The following CSMD3 variants were observed in gnomAD, a reference collection of about 807,000 sequenced individuals.
CSMD3 encodes the protein CUB and Sushi multiple domains 3.
A neutral mutation model predicts 435.2 loss-of-function variants in CSMD3; 177 were observed. The ratio of observed to expected loss-of-function variants is 0.41; its 90% CI spans 0.36 to 0.46. The LOEUF (loss-of-function observed/expected upper bound fraction) is 0.46. Among genes scored for constraint, CSMD3 ranks in the 20% least tolerant of loss-of-function variants. CSMD3 has a pLI of 0.34. For synonymous variants in CSMD3, 1,656 were observed against 1,520.5 expected (o/e 1.09, Z -2.07); for missense variants, 4,265 against 4,504.6 (o/e 0.95, Z 1.52).
intron 1 of CSMD3, among the ~76,000 whole-genome samples, chr8:113,334,205 A>G (rs1274595455): frequency 1.3e-5 from 2 of 149,096 alleles, no homozygotes; most frequent in East Asian, 2.0e-4. Context: ...GTATTATTTT[A>G]TATTATTTTA....
intron 4 of CSMD3, among the ~76,000 whole-genome samples, chr8:113,108,669 A>G (rs1373678082): frequency 6.6e-6 from 1 of 152,222 alleles, no homozygotes; most frequent in Non-Finnish European, 1.5e-5. Context: ...AAGGAAATAT[A>G]CAAAAACATA....
intron 3 of CSMD3, among the ~76,000 whole-genome samples, chr8:113,182,030 T>C (rs2092428394): frequency 6.6e-6 from 1 of 152,040 alleles, no homozygotes; most frequent in Non-Finnish European, 1.5e-5. Flanking sequence ...ATTTTAGCAG[T>C]TAATCCATCA....
chr8:112,831,941 C>T (rs1265363080), intron 11 of CSMD3, among the ~76,000 whole-genome samples: 9 of 152,122 alleles, frequency 5.9e-5, no homozygotes, highest in African/African-American at 2.2e-4. Flanking sequence ...TTGAGATCAG[C>T]TTTATATATT....
intron 5 of CSMD3, among the ~76,000 whole-genome samples, chr8:113,093,997 C>G (rs1317014797): frequency 1.3e-5 from 2 of 152,036 alleles, no homozygotes; most frequent in East Asian, 3.9e-4. Context: ...AACTATATAT[C>G]ATAATTAAGT....
At chr8:112,691,748 G>T (rs907374998) in intron 13 of CSMD3, among the ~76,000 whole-genome samples, 1 of 151,922 alleles carries the variant, frequency 6.6e-6, no homozygotes, top group Non-Finnish European at 1.5e-5. Flanking sequence ...TTTATTAGGT[G>T]GCTTAAAGAA....
chr8:113,184,702 A>C lies in CSMD3; in HGVS notation c.515-10786T>G, dbSNP rs567257948. 7.2e-5 allele frequency among the ~76,000 whole-genome samples: 11 copies of C among 152,152 alleles called. No individual in the cohort carries two copies. The South Asian group carries it at 2.3e-3, about 32-fold the overall frequency. ...ATCATATTGTATGAATGTCTGCTAG[A>C]CTGAGGCCACTCAGGTGCAGGCTTT... On this transcript the variant is annotated intron_variant, in intron 3 of 70. Transcript: ENST00000297405.
chr8:112,999,002 G>A (rs1564193417), intron 6 of CSMD3, among the ~76,000 whole-genome samples: 1 of 151,828 alleles, frequency 6.6e-6, no homozygotes, highest in Non-Finnish European at 1.5e-5. Context: ...CCAATCTCAG[G>A]TATTTCTTTA....
intron 2 of CSMD3, among the ~76,000 whole-genome samples, chr8:113,304,906 A>C (rs1309456850): frequency 2.7e-5 from 2 of 73,394 alleles, no homozygotes; most frequent in African/African-American, 1.1e-4. Flanking sequence ...CTAAAACTTA[A>C]AGTATAATAA....
At chr8:112,977,980 C>T (rs1434115799) in intron 6 of CSMD3, among the ~76,000 whole-genome samples, 1 of 151,930 alleles carries the variant, frequency 6.6e-6, no homozygotes, top group Non-Finnish European at 1.5e-5. Flanking sequence ...TTGTGATGTG[C>T]AGTTTCATAC....
chr8:113,047,214 A>C (rs1420923909), intron 5 of CSMD3, among the ~76,000 whole-genome samples: 2 of 152,198 alleles, frequency 1.3e-5, no homozygotes, highest in African/African-American at 4.8e-5. Context: ...TAGTTACCGT[A>C]AATATATTTA....
rs1249637684 is a variant in CSMD3, at chr8:113,046,003, G to C, written c.918-26824C>G. On this transcript the variant is annotated intron_variant, in intron 5 of 70. Transcript: ENST00000297405. ...TTGCCTGCCTTTAAATGACTGAATC[G>C]ATTTACTTTTAAATGTTTTACAAAC... is the stretch of plus-strand genomic sequence containing the variant. 2.7e-5 allele frequency among the ~76,000 whole-genome samples: 4 copies of C among 149,082 alleles called. 1 individual carries two copies. The highest frequency in any genetic ancestry group is 4.5e-5 in the Non-Finnish European group (3 of 66,364).
chr8:113,182,224 A>G (rs868094893), intron 3 of CSMD3, among the ~76,000 whole-genome samples: 1 of 152,070 alleles, frequency 6.6e-6, no homozygotes, highest in African/African-American at 2.4e-5. Context: ...TTTAACTATT[A>G]TATACATATG....
chr8:112,824,179 T>C (rs2079609305), intron 12 of CSMD3, among the ~76,000 whole-genome samples: 1 of 151,366 alleles, frequency 6.6e-6, no homozygotes, highest in South Asian at 2.1e-4. Context: ...TGCTTGGTAT[T>C]TTGAGCCTAT....
At position 112,247,102 on chromosome 8, in the gene CSMD3, T is replaced by C; in HGVS notation, c.10140A>G (p.Lys3380=). The C allele has an allele frequency of 3.1e-6, 5 of 1,613,696 alleles. No individual in the cohort carries two copies. Among genetic ancestry groups the C allele is most frequent in the Non-Finnish European group, 4.2e-6 (5 of 1,179,746 alleles). Residue 3380 remains lysine, a synonymous_variant, in exon 64 of 71, where the codon AAA becomes AAG. Coordinates refer to ENST00000297405, the MANE Select transcript of CSMD3 (RefSeq NM_198123.2). ...TAGACCCTTGGAGAAGGTGTCCTTT[T>C]TTGCAATGGAACTGTACAACACTTC... ...QVGSVVQFHC[K]KGHLLQGSTT...
At chr8:112,657,104 C>A (rs2075276362) in intron 17 of CSMD3, among the ~76,000 whole-genome samples, 2 of 145,052 alleles carry the variant, frequency 1.4e-5, no homozygotes, top group African/African-American at 5.1e-5. Context: ...ATTCCATCAA[C>A]CAGGCTAGAG....
intron 10 of CSMD3, among the ~76,000 whole-genome samples, chr8:112,888,173 TG>T (rs2081666229): frequency 6.6e-6 from 1 of 151,822 alleles, no homozygotes; most frequent in African/African-American, 2.4e-5. Context: ...GAATTCCCTT[TG>T]GGATTATGGC....
chr8:113,251,603 A>T (rs1324513031), intron 3 of CSMD3, among the ~76,000 whole-genome samples: 1 of 152,040 alleles, frequency 6.6e-6, no homozygotes, highest in Non-Finnish European at 1.5e-5. Context: ...GCTGTAAGTT[A>T]AAAAATCCAT....
At chr8:112,272,644 G>C (rs1817632248) in intron 59 of CSMD3, among the ~76,000 whole-genome samples, 1 of 152,030 alleles carries the variant, frequency 6.6e-6, no homozygotes, top group Admixed American at 6.6e-5. Flanking sequence ...TGAGTTTCTT[G>C]ATCTAGACAA....
At position 113,175,881 on chromosome 8, in the gene CSMD3, G is replaced by A. The variant is rs145849132; in HGVS notation, c.515-1965C>T. 5.9e-3 allele frequency among the ~76,000 whole-genome samples: 893 copies of A among 152,130 alleles called. 4 individuals carry two copies. The highest frequency in any genetic ancestry group is 0.019 in the African/African-American group (794 of 41,546). Reference sequence around the variant, plus strand: ...ATAAAGTTATATGTCTAGGAGAAAAGTGGTTTCCAAATTATGTCACAGGAA... The same window carrying A: ...ATAAAGTTATATGTCTAGGAGAAAAATGGTTTCCAAATTATGTCACAGGAA... On this transcript the variant is annotated intron_variant, in intron 3 of 70. Transcript: ENST00000297405.
Sources: allele counts gnomAD v4.1 joint callset (sites outside exome capture counted in the v4.1 genomes callset), GRCh38; gene constraint gnomAD v4.1.1; transcripts MANE v1.5; gene names NCBI Gene and HGNC (gene_info 2026-07-23, HGNC 2026-07-21).